Variants in DSCAM observed in about 807,000 individuals in gnomAD.
DSCAM encodes the protein cell adhesion molecule DSCAM.
A neutral mutation model predicts 217.7 loss-of-function variants in DSCAM; 47 were observed. That is an observed-to-expected ratio of 0.22 (90% confidence interval 0.17 to 0.28). DSCAM has a LOEUF of 0.28. DSCAM is among the 10% of genes least tolerant of loss of function. The probability of loss-of-function intolerance (pLI) is 1.00; values close to 1 mark genes in which losing one functional copy is unlikely to be tolerated. For synonymous variants in DSCAM, 1,056 were observed against 1,015.3 expected, an observed-to-expected ratio of 1.04 and a Z score of -0.76; for missense variants, 2,080 against 2,618.3, an observed-to-expected ratio of 0.79 and a Z score of 4.49.
intron 27 of DSCAM, among the ~76,000 whole-genome samples, chr21:40,071,529 G>A (rs941292220): frequency 1.3e-5 from 2 of 152,104 alleles, no homozygotes; most frequent in African/African-American, 2.4e-5. Context: ...ATTGAAAAAT[G>A]TGATCAATTT....
intron 1 of DSCAM, among the ~76,000 whole-genome samples, chr21:40,754,879 T>G (rs2091260922): frequency 6.6e-6 from 1 of 152,240 alleles, no homozygotes; most frequent in African/African-American, 2.4e-5. Flanking sequence ...GCTCTGAGTT[T>G]CTGATTTGTT....
At chr21:40,693,954 T>A (rs2090569420) in intron 2 of DSCAM, among the ~76,000 whole-genome samples, 1 of 152,012 alleles carries the variant, frequency 6.6e-6, no homozygotes, top group Admixed American at 6.5e-5. Context: ...AGTGAGCAAA[T>A]CCTCTCACCA....
At chr21:40,122,411 G>A (rs887199833) in intron 20 of DSCAM, among the ~76,000 whole-genome samples, 1 of 152,200 alleles carries the variant, frequency 6.6e-6, no homozygotes, top group Non-Finnish European at 1.5e-5. Flanking sequence ...GAATCCCATA[G>A]CAAAGAGATC....
At chr21:40,432,953 C>T (rs1312411383) in intron 3 of DSCAM, among the ~76,000 whole-genome samples, 2 of 152,220 alleles carry the variant, frequency 1.3e-5, no homozygotes, top group Middle Eastern at 3.4e-3. Context: ...TCTTCTTTCC[C>T]AGCTGTGAAA....
intron 1 of DSCAM, among the ~76,000 whole-genome samples, chr21:40,773,326 G>A (rs1367391559): frequency 6.6e-6 from 1 of 152,134 alleles, no homozygotes; most frequent in Non-Finnish European, 1.5e-5. Flanking sequence ...TTAGCTTCTG[G>A]TATCTGCCAG....
intron 3 of DSCAM, among the ~76,000 whole-genome samples, chr21:40,478,301 A>G (rs2075954281): frequency 6.6e-6 from 1 of 152,204 alleles, no homozygotes; most frequent in Non-Finnish European, 1.5e-5. Flanking sequence ...GCTGCCAAGA[A>G]CACTGTATAT....
Position 40,697,161 on chromosome 21 carries a change from T to C in DSCAM, c.362-4205A>G, listed in dbSNP as rs1009923623. Among the ~76,000 whole-genome samples the C allele has an allele frequency of 5.9e-5, 9 of 152,272 alleles. No individual in the cohort carries two copies. The Middle Eastern group carries it at 0.01, about 173-fold the overall frequency. ...CCCATATGTGAGTGAAAACATGTAA[T>C]GTGTGTCTGTCTGAGCCTGGCTTAA... On this transcript the variant is annotated intron_variant, in intron 2 of 32. Transcript: ENST00000400454.
intron 32 of DSCAM, among the ~76,000 whole-genome samples, chr21:40,015,184 G>A (rs1479553126): frequency 3.3e-5 from 5 of 152,080 alleles, no homozygotes; most frequent in South Asian, 2.1e-4. Context: ...GTGAATTTTA[G>A]GTGCTTTGCT....
intron 9 of DSCAM, among the ~76,000 whole-genome samples, chr21:40,307,866 G>A (rs776934601): frequency 3.0e-4 from 45 of 150,386 alleles, no homozygotes; most frequent in Non-Finnish European, 2.2e-4. Context: ...TCTTACTCAT[G>A]GGTGGGAATT....
intron 15 of DSCAM, among the ~76,000 whole-genome samples, chr21:40,170,181 T>G (rs931950727): frequency 6.6e-6 from 1 of 152,096 alleles, no homozygotes; most frequent in Non-Finnish European, 1.5e-5. Flanking sequence ...GGGGCTTTCT[T>G]CTCCCTCCAT....
chr21:40,811,385 TCAGTC>T (rs2091837258), intron 1 of DSCAM, among the ~76,000 whole-genome samples: 1 of 152,262 alleles, frequency 6.6e-6, no homozygotes, highest in African/African-American at 2.4e-5. Context: ...CTGAATTGAC[TCAGTC>T]AAGTACCTGA....
At chr21:40,264,687 C>T (rs983152610) in intron 11 of DSCAM, among the ~76,000 whole-genome samples, 6 of 152,140 alleles carry the variant, frequency 3.9e-5, no homozygotes, top group Non-Finnish European at 8.8e-5. Context: ...CATCATAATA[C>T]TGGCAGTCCT....
chr21:40,819,149 G>A (rs556454499), intron 1 of DSCAM, among the ~76,000 whole-genome samples: 8 of 152,290 alleles, frequency 5.3e-5, no homozygotes, highest in African/African-American at 1.9e-4. Context: ...GGAACACAAA[G>A]CTGATTATTT....
intron 1 of DSCAM, among the ~76,000 whole-genome samples, chr21:40,773,924 C>T (rs540979613): frequency 1.4e-3 from 208 of 152,298 alleles, no homozygotes; most frequent in African/African-American, 4.5e-3. Context: ...CCCCAGAATA[C>T]GGAAGCCTTG....
chr21:40,664,482 T>C (rs1229270378), intron 3 of DSCAM, among the ~76,000 whole-genome samples: 2 of 152,160 alleles, frequency 1.3e-5, no homozygotes, highest in African/African-American at 4.8e-5. Context: ...CTGCTCCTGA[T>C]GGCACAGCAC....
At chr21:40,388,482 T>C (rs539440934) in intron 3 of DSCAM, among the ~76,000 whole-genome samples, 30 of 152,244 alleles carry the variant, frequency 2.0e-4, no homozygotes, top group African/African-American at 6.0e-4. Flanking sequence ...CTTTTGACAC[T>C]TTTCCACAAA....
intron 7 of DSCAM, 97 bp downstream of exon 7, chr21:40,339,022 T>C (rs780775397): frequency 2.1e-6 from 3 of 1,455,076 alleles, no homozygotes; most frequent in South Asian, 1.3e-5. Flanking sequence ...GTTAATCCGC[T>C]CTGGCATTCC....
intron 8 of DSCAM, among the ~76,000 whole-genome samples, chr21:40,320,969 G>A (rs1394279273): frequency 6.6e-6 from 1 of 152,232 alleles, no homozygotes; most frequent in Non-Finnish European, 1.5e-5. Context: ...AAGAGTTTAT[G>A]AGAGTTCATA....
At chr21:40,062,590 C>T (rs371170663) in intron 28 of DSCAM, among the ~76,000 whole-genome samples, 1 of 152,214 alleles carries the variant, frequency 6.6e-6, no homozygotes, top group African/African-American at 2.4e-5. Context: ...TTCCTCTTTA[C>T]GTGCTTCTGT....
Sources: allele counts gnomAD v4.1 joint callset (sites outside exome capture counted in the v4.1 genomes callset), GRCh38; gene constraint gnomAD v4.1.1; transcripts MANE v1.5; gene names NCBI Gene and HGNC (gene_info 2026-07-23, HGNC 2026-07-21).